Variants in CERS3 observed in about 807,000 individuals in gnomAD.
CERS3 encodes LAG1 homolog, ceramide synthase 3.
CERS3 carries 33 observed loss-of-function variants against 50.3 expected under a neutral mutation model. That is an observed-to-expected ratio of 0.66 (90% CI 0.50 to 0.88). The LOEUF is 0.88. Among genes scored for constraint, CERS3 ranks in the 40% least tolerant of loss-of-function variants. The pLI, the probability that CERS3 is intolerant of heterozygous loss-of-function variation, is 0.00. For missense variants in CERS3, 470 were observed against 460.3 expected (o/e 1.02, Z -0.19); for synonymous variants, 176 against 155.2 (o/e 1.13, Z -0.99).
At chr15:100,437,937 A>C (rs1288276586) in intron 11 of CERS3, 1 of 149,914 alleles carries the variant, frequency 6.7e-6, no homozygotes. Flanking sequence ...AAAACAAAAT[A>C]TTTTCTTATG....
intron 8 of CERS3, among the ~76,000 whole-genome samples, chr15:100,475,138 G>A (rs1246206881): frequency 6.6e-6 from 1 of 152,114 alleles, no homozygotes; most frequent in Non-Finnish European, 1.5e-5. Flanking sequence ...AAATTTTGAT[G>A]TATTCCTAGC....
intron 1 of CERS3, among the ~76,000 whole-genome samples, chr15:100,524,268 A>G (rs1430133866): frequency 6.6e-6 from 1 of 152,220 alleles, no homozygotes; most frequent in Non-Finnish European, 1.5e-5. Context: ...GTGTGTATAT[A>G]TGTCCTAAGT....
intron 11 of CERS3, among the ~76,000 whole-genome samples, chr15:100,430,515 G>A (rs2142117836): frequency 6.6e-6 from 1 of 152,284 alleles, no homozygotes; most frequent in East Asian, 1.9e-4. Context: ...TTTTTGAAGT[G>A]CTGTAACTAA....
At chr15:100,466,498 A>G (rs8028050) in intron 10 of CERS3, among the ~76,000 whole-genome samples, 70,488 of 151,828 alleles carry the variant, frequency 0.46, 17,193 homozygotes, top group Non-Finnish European at 0.54. Flanking sequence ...TGGTTCCAAT[A>G]AAAAATACAA....
chr15:100,539,473 A>G (rs1484954200), intron 1 of CERS3, among the ~76,000 whole-genome samples: 1 of 152,226 alleles, frequency 6.6e-6, no homozygotes, highest in Non-Finnish European at 1.5e-5. Context: ...GCCTCAGGAA[A>G]GTTACAATCA....
intron 8 of CERS3, among the ~76,000 whole-genome samples, chr15:100,473,916 G>A (rs2035045355): frequency 6.6e-6 from 1 of 152,160 alleles, no homozygotes; most frequent in African/African-American, 2.4e-5. Flanking sequence ...TGAATAAAAT[G>A]CATCCATCCG....
At chr15:100,441,893 A>T (rs1185261947) in intron 11 of CERS3, among the ~76,000 whole-genome samples, 1 of 151,640 alleles carries the variant, frequency 6.6e-6, no homozygotes, top group African/African-American at 2.4e-5. Context: ...AGCGTCGCTG[A>T]GTCTTTCTAA....
At chr15:100,426,863 T>A (rs2032843857) in intron 11 of CERS3, among the ~76,000 whole-genome samples, 1 of 152,214 alleles carries the variant, frequency 6.6e-6, no homozygotes, top group African/African-American at 2.4e-5. Flanking sequence ...ACTCAGTTGC[T>A]GAAAACAAAA....
chr15:100,460,196 T>G (rs181611125), intron 10 of CERS3, among the ~76,000 whole-genome samples: 132 of 152,324 alleles, frequency 8.7e-4, no homozygotes, highest in African/African-American at 3.1e-3. Context: ...AAAACATATT[T>G]TCCCATATTT....
chr15:100,512,905 G>A (rs2036388022), intron 2 of CERS3, among the ~76,000 whole-genome samples: 1 of 152,182 alleles, frequency 6.6e-6, no homozygotes, highest in South Asian at 2.1e-4. Context: ...TCAGGAAGAT[G>A]TGATTCTGCC....
At chr15:100,443,525 T>C (rs565608806) in intron 11 of CERS3, among the ~76,000 whole-genome samples, 3,390 of 147,826 alleles carry the variant, frequency 0.023, 38 homozygotes, top group African/African-American at 0.081. Context: ...AATCCATTAT[T>C]GTGTTCTGGA....
intron 1 of CERS3, among the ~76,000 whole-genome samples, chr15:100,542,397 G>A (rs1054685288): frequency 1.3e-5 from 2 of 152,170 alleles, no homozygotes; most frequent in East Asian, 1.9e-4. Flanking sequence ...TATTTTCATG[G>A]TAACAATAAT....
intron 11 of CERS3, among the ~76,000 whole-genome samples, chr15:100,405,180 C>T (rs2030895773): frequency 7.0e-6 from 1 of 143,370 alleles, no homozygotes; most frequent in Admixed American, 7.1e-5. Flanking sequence ...ATAATATTTG[C>T]AAATCACATA....
At chr15:100,489,673 G>A (rs2035592758) in intron 4 of CERS3, among the ~76,000 whole-genome samples, 1 of 152,054 alleles carries the variant, frequency 6.6e-6, no homozygotes, top group Non-Finnish European at 1.5e-5. Flanking sequence ...AACATATAAA[G>A]GGATGCTTAG....
intron 11 of CERS3, among the ~76,000 whole-genome samples, chr15:100,438,299 C>T (rs1004797996): frequency 6.6e-6 from 1 of 152,106 alleles, no homozygotes; most frequent in African/African-American, 2.4e-5. Context: ...CCCACCTCAG[C>T]CTCCCAAAGT....
In CERS3 at chr15:100,410,101, T is replaced by G. The variant is rs115078133; in HGVS notation, c.1000-7236A>C. 3.3e-5 allele frequency among the ~76,000 whole-genome samples: 5 copies of G among 152,180 alleles called. 1 individual carries two copies. In the South Asian group the frequency reaches 1.0e-3, roughly 32 times the overall value. On this transcript the variant is annotated intron_variant, in intron 11 of 11. Coordinates refer to ENST00000679737, the MANE Select transcript of CERS3 (RefSeq NM_001378789.1). ...CTTTCTCCAAAAACAACCTGGGTGG[T>G]CTAGAATGTTATTAGCAATATTATT...
intron 11 of CERS3, among the ~76,000 whole-genome samples, chr15:100,430,810 A>T (rs1487153496): frequency 1.3e-5 from 2 of 152,374 alleles, no homozygotes; most frequent in Middle Eastern, 3.4e-3. Flanking sequence ...ACAAGGTCAC[A>T]GAAAAAAACA....
At chr15:100,476,415 A>C (rs895516479) in intron 7 of CERS3, among the ~76,000 whole-genome samples, 1 of 152,372 alleles carries the variant, frequency 6.6e-6, no homozygotes, top group Admixed American at 6.5e-5. Flanking sequence ...TGTTTAAAAA[A>C]TTAAATACAA....
At chr15:100,537,426 C>T (rs535965634) in intron 1 of CERS3, among the ~76,000 whole-genome samples, 1 of 152,308 alleles carries the variant, frequency 6.6e-6, no homozygotes, top group South Asian at 2.1e-4. Flanking sequence ...TAAAGAACTG[C>T]TTGAGACTGG....
Sources: allele counts gnomAD v4.1 joint callset (sites outside exome capture counted in the v4.1 genomes callset), GRCh38; gene constraint gnomAD v4.1.1; transcripts MANE v1.5; gene names NCBI Gene and HGNC (gene_info 2026-07-23, HGNC 2026-07-21).